Variants in LARGE1 observed in about 807,000 individuals in gnomAD.
LARGE1 encodes xylosyl- and glucuronyltransferase LARGE1.
Under a neutral mutation model 87.6 loss-of-function variants are expected in LARGE1, and 43 were observed. The observed-to-expected ratio is 0.49, with a 90% CI of 0.38 to 0.63. The LOEUF is 0.63. LARGE1 is among the 30% of genes least tolerant of loss of function. The pLI is 0.00. For missense variants in LARGE1, 802 were observed against 1,000.2 expected, an observed-to-expected ratio of 0.80 and a Z score of 2.67; for synonymous variants, 434 against 394.6, an observed-to-expected ratio of 1.10 and a Z score of -1.18.
intron 1 of LARGE1, among the ~76,000 whole-genome samples, chr22:33,772,820 A>C (rs1169207313): frequency 1.3e-5 from 2 of 150,702 alleles, no homozygotes; most frequent in Non-Finnish European, 2.9e-5. Context: ...ATCCAGACGC[A>C]TGGGAAGCAT....
chr22:33,473,192 G>T (rs1298054637), intron 6 of LARGE1, among the ~76,000 whole-genome samples: 1 of 151,114 alleles, frequency 6.6e-6, no homozygotes, highest in African/African-American at 2.4e-5. Context: ...CTTTGAGATG[G>T]AGTTTCACTC....
chr22:33,710,555 G>C (rs1399041786), intron 2 of LARGE1, among the ~76,000 whole-genome samples: 1 of 152,222 alleles, frequency 6.6e-6, no homozygotes, highest in Non-Finnish European at 1.5e-5. Context: ...CAGGTGCAGA[G>C]AGTTCCTGGG....
intron 6 of LARGE1, among the ~76,000 whole-genome samples, chr22:33,438,333 T>C (rs755223830): frequency 6.6e-6 from 1 of 152,162 alleles, no homozygotes; most frequent in Non-Finnish European, 1.5e-5. Flanking sequence ...GGAGTTATTG[T>C]AATAAAACAC....
chr22:33,084,715 T>C, the LARGE1 span, among the ~76,000 whole-genome samples: 1 of 152,182 alleles, frequency 6.6e-6, no homozygotes, highest in Non-Finnish European at 1.5e-5. Flanking sequence ...TTTTAAATTT[T>C]CTAGCAACCA....
chr22:33,180,525 A>C (rs1369960349), intron 11 of LARGE1, among the ~76,000 whole-genome samples: 1 of 152,244 alleles, frequency 6.6e-6, no homozygotes, highest in African/African-American at 2.4e-5. Context: ...GTTCCTCAGA[A>C]AGTTAACCAT....
intron 11 of LARGE1, among the ~76,000 whole-genome samples, chr22:33,220,692 C>T (rs903873783): frequency 1.1e-4 from 16 of 152,166 alleles, no homozygotes; most frequent in African/African-American, 3.9e-4. Flanking sequence ...TGAAGCTGCC[C>T]ATTGACTACT....
rs2086194996 is a variant in LARGE1 at position 33,802,634 on chromosome 22, C to A, written c.-82-41076G>T. On this transcript the variant is annotated intron_variant, in intron 1 of 14. Coordinates refer to ENST00000397394, the MANE Select transcript of LARGE1 (RefSeq NM_133642.5). ...CTTAGATATACAGTAGGTAAGGTGA[C>A]AAGTAACTCTTATTTGTCACCCTGC... 1.3e-5 allele frequency among the ~76,000 whole-genome samples: 2 copies of A among 152,164 alleles called. 1 individual carries two copies. Among genetic ancestry groups the A allele is most frequent in the South Asian group, 4.1e-4 (2 of 4,836 alleles).
intron 2 of LARGE1, among the ~76,000 whole-genome samples, chr22:33,679,614 G>C (rs750969121): frequency 1.2e-4 from 19 of 152,110 alleles, no homozygotes; most frequent in Non-Finnish European, 1.3e-4. Flanking sequence ...GGTCGAGGCA[G>C]GTGGATTGCA....
intron 2 of LARGE1, among the ~76,000 whole-genome samples, chr22:33,679,673 C>G (rs2081690395): frequency 1.3e-5 from 2 of 152,148 alleles, no homozygotes; most frequent in African/African-American, 4.8e-5. Context: ...GAAACCCTGT[C>G]TCTACCAAAA....
intron 4 of LARGE1, among the ~76,000 whole-genome samples, chr22:33,623,581 C>T (rs240594): frequency 0.42 from 63,560 of 151,684 alleles, 15,008 homozygotes; most frequent in East Asian, 0.54. Context: ...TTGCTGCAGG[C>T]ACGTAAGTGG....
At chr22:33,757,075 ACCAC>A (rs1356082494) in intron 2 of LARGE1, among the ~76,000 whole-genome samples, 1 of 152,176 alleles carries the variant, frequency 6.6e-6, no homozygotes, top group Admixed American at 6.5e-5. Flanking sequence ...TAACAAAAAC[ACCAC>A]CTGATGAGCG....
chr22:33,838,417 T>C lies in LARGE1; in HGVS notation c.-82-76859A>G, dbSNP rs183273888. Among the ~76,000 whole-genome samples, 151 of 152,272 alleles carry C rather than the reference T, an allele frequency of 9.9e-4. 2 individuals carry two copies. The highest frequency in any genetic ancestry group is 3.4e-3 in the African/African-American group (142 of 41,554). On this transcript the variant is annotated intron_variant, in intron 1 of 14. Coordinates refer to ENST00000397394, the MANE Select transcript of LARGE1 (RefSeq NM_133642.5). ...ACTTTGGGAGGCCAAGATGGGAAGA[T>C]TCCTTTAGGCCAAGAGTTTGAGACC...
chr22:33,665,149 G>A (rs2081232867), intron 2 of LARGE1, among the ~76,000 whole-genome samples: 1 of 152,162 alleles, frequency 6.6e-6, no homozygotes, highest in South Asian at 2.1e-4. Flanking sequence ...GCATCTGTAA[G>A]CCAACCTTTA....
the LARGE1 span, among the ~76,000 whole-genome samples, chr22:33,120,362 C>CTTTCTTTCTT: frequency 7.2e-5 from 6 of 83,040 alleles, no homozygotes; most frequent in Admixed American, 1.3e-4. Flanking sequence ...CTTTCTTTTT[C>CTTTCTTTCTT]TTTCTTTCTT....
intron 1 of LARGE1, among the ~76,000 whole-genome samples, chr22:33,881,714 A>G (rs765299381): frequency 1.3e-5 from 2 of 152,242 alleles, no homozygotes; most frequent in African/African-American, 2.4e-5. Flanking sequence ...AGACCCACCT[A>G]CAGAGTATAT....
At position 33,467,382 on chromosome 22, in the gene LARGE1, C is replaced by G. The variant is rs577287416; in HGVS notation, c.788-35117G>C. ...TTTCCTAATTAACTAGTCCCTCTTT[C>G]CTTAAACTGCTGCATCTTCCAACTT... is the stretch of plus-strand genomic sequence containing the variant. On this transcript the variant is annotated intron_variant, in intron 6 of 14. Transcript: ENST00000397394. 1.2e-4 allele frequency among the ~76,000 whole-genome samples: 19 copies of G among 152,316 alleles called. No homozygotes were observed. The East Asian group carries it at 3.7e-3, about 29-fold the overall frequency.
intron 1 of LARGE1, among the ~76,000 whole-genome samples, chr22:33,801,520 A>C (rs1159671164): frequency 6.6e-6 from 1 of 152,080 alleles, no homozygotes; most frequent in Non-Finnish European, 1.5e-5. Flanking sequence ...GACATGTCTA[A>C]GTCTTTTGCC....
intron 11 of LARGE1, among the ~76,000 whole-genome samples, chr22:33,200,521 C>G (rs184024648): frequency 1.3e-5 from 2 of 152,232 alleles, no homozygotes; most frequent in East Asian, 3.9e-4. Flanking sequence ...AACGTATGTC[C>G]ACATAAAAAC....
intron 6 of LARGE1, among the ~76,000 whole-genome samples, chr22:33,550,598 CT>C (rs2077497177): frequency 6.6e-6 from 1 of 152,152 alleles, no homozygotes; most frequent in South Asian, 2.1e-4. Context: ...CTCTTATACA[CT>C]GTTGGTGGGA....
Sources: gnomAD v4.1 joint callset for allele counts (sites outside exome capture counted in the v4.1 genomes callset) on GRCh38, gnomAD v4.1.1 for gene constraint, MANE v1.5 for transcripts, NCBI Gene and HGNC (gene_info 2026-07-23, HGNC 2026-07-21) for gene names.